Variants in FERMT2 observed in about 807,000 individuals in gnomAD.
FERMT2 encodes the protein fermitin family homolog 2.
A neutral mutation model predicts 82.7 loss-of-function variants in FERMT2; 15 were observed. The ratio of observed to expected loss-of-function variants is 0.18; its 90% CI spans 0.12 to 0.28. The LOEUF is 0.28. FERMT2 is among the 10% of genes least tolerant of loss of function. The pLI is 1.00. For synonymous variants in FERMT2, 274 were observed against 271.5 expected, an observed-to-expected ratio of 1.01 and a Z score of -0.09; for missense variants, 645 against 809.4, an observed-to-expected ratio of 0.80 and a Z score of 2.46.
At position 52,859,711 on chromosome 14, in the gene FERMT2, G is replaced by A. The variant is rs756402897; in HGVS notation, c.1731C>T (p.Phe577=). The change falls in exon 14 of 15, where the codon TTC becomes TTT. Residue 577 remains phenylalanine (F), a synonymous_variant. Coordinates refer to ENST00000341590, the MANE Select transcript of FERMT2 (RefSeq NM_006832.3). ...TAAGTTCTTCTTTTTTGCCCCCTTG[G>A]AACCTATAACATTTAAGAAAAGAAC... ...EFGITHFIAR[F]QGGKKEELIG... is the part of the protein sequence containing the mutation. The A allele has an allele frequency of 7.6e-6, 12 of 1,577,528 alleles. No homozygotes were observed. The highest frequency in any genetic ancestry group is 8.6e-6 in the Non-Finnish European group (10 of 1,160,478).
chr14:52,930,749 A>T (rs889926591), intron 2 of FERMT2, among the ~76,000 whole-genome samples: 3 of 152,154 alleles, frequency 2.0e-5, no homozygotes, highest in Non-Finnish European at 2.9e-5. Flanking sequence ...TTCCTTTCCA[A>T]TGCCTGAAAC....
chr14:52,877,574 C>CTTTATT (rs771194186), intron 7 of FERMT2, among the ~76,000 whole-genome samples: 1 of 67,062 alleles, frequency 1.5e-5, no homozygotes, highest in African/African-American at 6.1e-5. Flanking sequence ...GCTGTTCTTG[C>CTTTATT]TTTTTTTTTT....
In FERMT2 at chr14:52,872,932, C is replaced by A; in HGVS notation, c.1149-9G>T. ...GAGTCAGCTTTTTTGGCCTATGTATCAAAGAGAATTAACAACAAAATCACT... is the reference window on the plus strand; with the variant it reads ...GAGTCAGCTTTTTTGGCCTATGTATAAAAGAGAATTAACAACAAAATCACT... On this transcript the variant is annotated splice_polypyrimidine_tract_variant and intron_variant, in intron 9 of 14. Transcript: ENST00000341590. The A allele has an allele frequency of 1.2e-6, 2 of 1,611,582 alleles. No individual in the cohort carries two copies. The highest frequency in any genetic ancestry group is 2.2e-5 in the South Asian group (2 of 90,466).
chr14:52,891,468 A>G (rs1017928238), intron 4 of FERMT2, among the ~76,000 whole-genome samples: 1 of 152,192 alleles, frequency 6.6e-6, no homozygotes, highest in Non-Finnish European at 1.5e-5. Flanking sequence ...CATAAAACAG[A>G]AAAGTTAGAA....
intron 4 of FERMT2, among the ~76,000 whole-genome samples, chr14:52,882,966 G>C (rs1886375871): frequency 1.3e-5 from 2 of 152,106 alleles, no homozygotes. Flanking sequence ...GGGAGGCTGA[G>C]GCGGTTGAAT....
chr14:52,882,608 A>G (rs534497406), intron 4 of FERMT2, among the ~76,000 whole-genome samples: 82 of 152,330 alleles, frequency 5.4e-4, no homozygotes, highest in Non-Finnish European at 1.0e-3. Flanking sequence ...TGCAATGGGC[A>G]TAACACTGTT....
chr14:52,945,035 G>C (rs1368846505), intron 2 of FERMT2, among the ~76,000 whole-genome samples: 1 of 151,966 alleles, frequency 6.6e-6, no homozygotes, highest in Admixed American at 6.6e-5. Context: ...CGAGTAGCTG[G>C]GACTACAGGT....
At chr14:52,902,007 A>G (rs1420534669) in intron 3 of FERMT2, among the ~76,000 whole-genome samples, 1 of 152,160 alleles carries the variant, frequency 6.6e-6, no homozygotes. Flanking sequence ...AACAGACACA[A>G]TGCAGACTAC....
chr14:52,865,662 T>C (rs1885227765), intron 10 of FERMT2, among the ~76,000 whole-genome samples: 1 of 152,178 alleles, frequency 6.6e-6, no homozygotes, highest in Non-Finnish European at 1.5e-5. Context: ...TGTCATATGA[T>C]CATGCAGTAG....
chr14:52,933,662 A>T (rs7144938), intron 2 of FERMT2, among the ~76,000 whole-genome samples: 2,254 of 144,474 alleles, frequency 0.016, 55 homozygotes, highest in African/African-American at 0.054. Context: ...GTGAGCCGAG[A>T]TCACGCCATT....
chr14:52,935,435 G>T (rs1889791798), intron 2 of FERMT2, among the ~76,000 whole-genome samples: 1 of 152,188 alleles, frequency 6.6e-6, no homozygotes, highest in Admixed American at 6.5e-5. Flanking sequence ...GGTATCTGAA[G>T]ATGGGGCCTT....
chr14:52,866,118 C>G (rs548561567), intron 10 of FERMT2, among the ~76,000 whole-genome samples: 7 of 152,010 alleles, frequency 4.6e-5, no homozygotes, highest in Non-Finnish European at 1.0e-4. Flanking sequence ...AATAATTAGG[C>G]CTCTTTTAAA....
intron 10 of FERMT2, among the ~76,000 whole-genome samples, chr14:52,870,573 T>A (rs1264233203): frequency 2.0e-5 from 3 of 152,164 alleles, no homozygotes; most frequent in African/African-American, 7.2e-5. Context: ...TAGATTTAGA[T>A]ATGTTTAGAT....
At chr14:52,930,653 G>T (rs1312267574) in intron 2 of FERMT2, among the ~76,000 whole-genome samples, 1 of 152,122 alleles carries the variant, frequency 6.6e-6, no homozygotes, top group South Asian at 2.1e-4. Flanking sequence ...CCTATTTCCA[G>T]TTTCCCAGAT....
chr14:52,926,149 A>AAAAGGAAAATGTTATCTAC (rs59388902), intron 2 of FERMT2, among the ~76,000 whole-genome samples: 3 of 151,932 alleles, frequency 2.0e-5, no homozygotes, highest in African/African-American at 7.3e-5. Flanking sequence ...TGATGACTTT[A>AAAAGGAAAATGTTATCTAC]AAATACTTAC....
chr14:52,934,092 CTT>C (rs1466575761), intron 2 of FERMT2, among the ~76,000 whole-genome samples: 3 of 152,160 alleles, frequency 2.0e-5, no homozygotes, highest in Admixed American at 6.5e-5. Flanking sequence ...TAGATTAAGT[CTT>C]TATCCTGTGT....
In FERMT2 at chr14:52,858,090, G is replaced by T; in HGVS notation, c.*287C>A. On this transcript the variant is annotated 3_prime_UTR_variant, in exon 15 of 15. Transcript: ENST00000341590. The stretch of plus-strand genomic sequence containing the variant: ...TGGCTTGTTTCTTACAGTTTGGCTA[G>T]CTTAAATCAGTAAATCAGTGATGGT... 1 of 356,356 alleles carries T rather than the reference G, an allele frequency of 2.8e-6. No individual in the cohort carries two copies. The highest frequency in any genetic ancestry group is 5.2e-6 in the Non-Finnish European group (1 of 192,710). The allele number at this position is 356,356 out of a possible 1,614,324, so 22.1% of individuals were successfully genotyped here.
intron 2 of FERMT2, among the ~76,000 whole-genome samples, chr14:52,933,856 C>CTTTTT (rs1451687277): frequency 5.9e-4 from 90 of 152,088 alleles, no homozygotes; most frequent in African/African-American, 2.0e-3. Flanking sequence ...CTTACCACAC[C>CTTTTT]CAGATGCAGC....
chr14:52,890,412 T>C (rs1886869481), intron 4 of FERMT2, among the ~76,000 whole-genome samples: 2 of 120,568 alleles, frequency 1.7e-5, no homozygotes, highest in African/African-American at 2.9e-5. Context: ...GCCACTGCAC[T>C]CCGGCCTGGG....
Sources: allele counts gnomAD v4.1 joint callset (sites outside exome capture counted in the v4.1 genomes callset), GRCh38; gene constraint gnomAD v4.1.1; transcripts MANE v1.5; gene names NCBI Gene and HGNC (gene_info 2026-07-23, HGNC 2026-07-21).